FAM83D: variants seen among roughly 807,000 people sequenced by gnomAD.
FAM83D encodes the protein scaffolding CK1 anchoring protein D.
A neutral mutation model predicts 25.4 loss-of-function variants in FAM83D; 26 were observed. That is an observed-to-expected ratio of 1.02 (90% CI 0.75 to 1.42). The LOEUF (loss-of-function observed/expected upper bound fraction) is 1.42. Among genes scored for constraint, FAM83D ranks in the 40% most tolerant of loss-of-function variants. FAM83D has a pLI of 0.00. For synonymous variants in FAM83D, 310 were observed against 318.5 expected (o/e 0.97, Z 0.28); for missense variants, 740 against 758.1 (o/e 0.98, Z 0.28).
intron 3 of FAM83D, 144 bp downstream of exon 3, chr20:38,948,144 T>A: frequency 1.0e-6 from 1 of 993,098 alleles, no homozygotes; most frequent in Non-Finnish European, 1.4e-6. Flanking sequence ...AGCAGCTGGT[T>A]ATCAAAGCCT....
chr20:38,935,215 T>C (rs928366375), intron 1 of FAM83D, among the ~76,000 whole-genome samples: 2 of 152,174 alleles, frequency 1.3e-5, no homozygotes, highest in African/African-American at 4.8e-5. Flanking sequence ...TACATACTTA[T>C]AAAATAAAAA....
intron 2 of FAM83D, among the ~76,000 whole-genome samples, chr20:38,944,162 G>A (rs1255696574): frequency 6.6e-6 from 1 of 152,090 alleles, no homozygotes; most frequent in African/African-American, 2.4e-5. Flanking sequence ...TCAGCAAAAC[G>A]AATTTAGTCT....
chr20:38,932,674 C>T (rs555355172), intron 1 of FAM83D, among the ~76,000 whole-genome samples: 2 of 152,306 alleles, frequency 1.3e-5, no homozygotes, highest in African/African-American at 2.4e-5. Flanking sequence ...GGGCTGTGGC[C>T]GCCTGCCTGG....
chr20:38,937,538 G>T (rs544934552), intron 1 of FAM83D, among the ~76,000 whole-genome samples: 1 of 152,182 alleles, frequency 6.6e-6, no homozygotes, highest in South Asian at 2.1e-4. Context: ...CTAGCCCCAG[G>T]TCTACTTCAG....
At chr20:38,943,510 T>C (rs2085712190) in intron 2 of FAM83D, among the ~76,000 whole-genome samples, 1 of 152,230 alleles carries the variant, frequency 6.6e-6, no homozygotes, top group Non-Finnish European at 1.5e-5. Context: ...CTGTAATCAC[T>C]ATTACATGCT....
intron 1 of FAM83D, among the ~76,000 whole-genome samples, chr20:38,929,224 G>A (rs1022515364): frequency 6.6e-6 from 1 of 151,506 alleles, no homozygotes; most frequent in Non-Finnish European, 1.5e-5. Context: ...CAGTGTGTCC[G>A]ATAGATGCCA....
At chr20:38,946,218 A>AAAC (rs2085728008) in intron 2 of FAM83D, among the ~76,000 whole-genome samples, 3 of 147,960 alleles carry the variant, frequency 2.0e-5, no homozygotes, top group African/African-American at 7.5e-5. Flanking sequence ...AAAAAAAAAA[A>AAAC]AACAATTTTT....
At chr20:38,927,062 C>T in intron 1 of FAM83D, 137 bp downstream of exon 1, 1 of 1,365,396 alleles carries the variant, frequency 7.3e-7, no homozygotes, top group Non-Finnish European at 9.4e-7. Flanking sequence ...TAGGTGGTCC[C>T]AGGGTCTCCG....
At chr20:38,932,723 A>C (rs1025281014) in intron 1 of FAM83D, among the ~76,000 whole-genome samples, 1 of 152,188 alleles carries the variant, frequency 6.6e-6, no homozygotes, top group Non-Finnish European at 1.5e-5. Context: ...GTGCTTATGA[A>C]TTGGCTGTCC....
intron 2 of FAM83D, among the ~76,000 whole-genome samples, chr20:38,945,229 C>T (rs2085721837): frequency 6.6e-6 from 1 of 152,048 alleles, no homozygotes; most frequent in Non-Finnish European, 1.5e-5. Flanking sequence ...AGATGTGTGT[C>T]AAAGGGAAAG....
intron 2 of FAM83D, among the ~76,000 whole-genome samples, chr20:38,947,099 T>G (rs150661052): frequency 2.6e-4 from 40 of 152,340 alleles, no homozygotes; most frequent in African/African-American, 9.1e-4. Flanking sequence ...TGTGTAAGAT[T>G]TCTAACGATA....
chr20:38,937,966 A>G (rs1374752663), intron 1 of FAM83D, among the ~76,000 whole-genome samples: 1 of 152,178 alleles, frequency 6.6e-6, no homozygotes, highest in Non-Finnish European at 1.5e-5. Flanking sequence ...TCCAGAAACA[A>G]AAAAATAGAC....
intron 1 of FAM83D, among the ~76,000 whole-genome samples, chr20:38,930,606 G>A (rs180748103): frequency 1.0e-3 from 151 of 151,456 alleles, no homozygotes; most frequent in Admixed American, 1.6e-3. Context: ...TCAGCCTCCC[G>A]AGTAGCTGGG....
chr20:38,938,396 T>C (rs2085687410), intron 1 of FAM83D, among the ~76,000 whole-genome samples: 1 of 152,182 alleles, frequency 6.6e-6, no homozygotes, highest in Non-Finnish European at 1.5e-5. Flanking sequence ...CCTGTCTCAT[T>C]AGACTGCGTT....
chr20:38,950,736 T>A (rs1294056436), intron 3 of FAM83D, among the ~76,000 whole-genome samples: 1 of 152,112 alleles, frequency 6.6e-6, no homozygotes, highest in Non-Finnish European at 1.5e-5. Context: ...AAGATGGGGG[T>A]GCTGGCCTAA....
At chr20:38,944,963 C>G (rs1489977304) in intron 2 of FAM83D, among the ~76,000 whole-genome samples, 1 of 151,200 alleles carries the variant, frequency 6.6e-6, no homozygotes, top group South Asian at 2.1e-4. Context: ...AGGCCTATTT[C>G]TCTGGCCTCC....
In FAM83D at chr20:38,941,962, A is replaced by T. The variant is rs746458768; in HGVS notation, c.487A>T (p.Ile163Phe). Residue 163 changes from isoleucine (I) to phenylalanine (F), a missense_variant, in exon 2 of 4, where the codon ATT (isoleucine) becomes TTT (phenylalanine). Physicochemically the swap from Ile to Phe is conservative, Grantham distance 21. Around this residue, in one of 3 missense-constraint regions of FAM83D, gnomAD observed 333 missense variants for 298.6 expected, o/e 1.12. Transcript: ENST00000619850. ...CTCTTCCCTGTTTCACCTGTAGGTGATTGCAGTGGTCATGGACGTGTTCAC... is the reference window on the plus strand; with the variant it reads ...CTCTTCCCTGTTTCACCTGTAGGTGTTTGCAGTGGTCATGGACGTGTTCAC... ...RQQLRSAREV[I>F]AVVMDVFTDI... is the part of the protein sequence containing the mutation. 6.2e-7 allele frequency: 1 copy of T among 1,613,794 alleles called. No homozygotes were observed. Among genetic ancestry groups the T allele is most frequent in the Non-Finnish European group, 8.5e-7 (1 of 1,180,020 alleles).
chr20:38,940,868 G>C (rs1388837016), intron 1 of FAM83D, among the ~76,000 whole-genome samples: 1 of 152,192 alleles, frequency 6.6e-6, no homozygotes, highest in African/African-American at 2.4e-5. Context: ...GCTCTGGACT[G>C]GTAAAGTGAA....
At chr20:38,939,994 TG>T (rs2085694800) in intron 1 of FAM83D, among the ~76,000 whole-genome samples, 1 of 152,236 alleles carries the variant, frequency 6.6e-6, no homozygotes, top group African/African-American at 2.4e-5. Flanking sequence ...GTGGTAGAGC[TG>T]GGTTCTATGC....
Sources: gnomAD v4.1 joint callset for allele counts (sites outside exome capture counted in the v4.1 genomes callset) on GRCh38, gnomAD v4.1.1 for gene constraint, gnomAD v4.1.1 regional missense constraint, MANE v1.5 for transcripts, NCBI Gene and HGNC (gene_info 2026-07-23, HGNC 2026-07-21) for gene names.